The following NRG1 variants were observed in gnomAD, a reference collection of about 807,000 sequenced individuals.
NRG1 encodes the protein pro-neuregulin-1, membrane-bound isoform.
NRG1 carries 18 observed loss-of-function variants against 63.8 expected under a neutral mutation model. That is an observed-to-expected ratio of 0.28 (90% CI 0.19 to 0.42). The LOEUF is 0.42. Among genes scored for constraint, NRG1 ranks in the 10% least tolerant of loss-of-function variants. The pLI is 1.00. For missense variants in NRG1, 762 were observed against 814.7 expected (o/e 0.94, Z 0.79); for synonymous variants, 302 against 301.3 (o/e 1.00, Z -0.02).
chr8:32,049,428 GTTGTT>G (rs1158950765), intron 1 of NRG1, among the ~76,000 whole-genome samples: 2 of 152,094 alleles, frequency 1.3e-5, no homozygotes, highest in African/African-American at 4.8e-5. Context: ...AGAAACACTT[GTTGTT>G]TTATTTATTT....
At chr8:32,626,357 G>GTT (rs145290390) in intron 5 of NRG1, among the ~76,000 whole-genome samples, 30 of 142,098 alleles carry the variant, frequency 2.1e-4, no homozygotes, top group Non-Finnish European at 2.3e-4. Flanking sequence ...TTCAAATTAA[G>GTT]TTTTTTTTTT....
rs1846264060 is a variant in NRG1, at chr8:32,610,908, A to G, written c.401-3606A>G. Among the ~76,000 whole-genome samples the G allele has an allele frequency of 6.6e-5, 10 of 152,226 alleles. 1 individual carries two copies. The South Asian group carries it at 2.1e-3, about 32-fold the overall frequency. ...CGTATATGACAGCAGAAAAGGCCAC[A>G]TACATCATGTTTACACACCCTACAC... is the stretch of plus-strand genomic sequence containing the variant. On this transcript the variant is annotated intron_variant, in intron 3 of 11. Coordinates refer to ENST00000356819, the Ensembl canonical transcript of NRG1.
Position 31,960,446 on chromosome 8 carries a change from G to A in NRG1, c.37+321015G>A, listed in dbSNP as rs112624348. On this transcript the variant is annotated intron_variant, in intron 1 of 10. Coordinates refer to the NRG1 transcript ENST00000519301. ...TCTAAATCATTCTGATAGGCTTCTG[G>A]ATGGCTTTCGGTCTCTGGCCAGGTG... Among the ~76,000 whole-genome samples the A allele has an allele frequency of 5.0e-3, 763 of 152,286 alleles. 8 individuals carry two copies. Among genetic ancestry groups the A allele is most frequent in the African/African-American group, 0.018 (729 of 41,552 alleles).
intron 1 of NRG1, among the ~76,000 whole-genome samples, chr8:31,852,308 G>A (rs561291850): frequency 0.01 from 1,531 of 149,976 alleles, 22 homozygotes; most frequent in African/African-American, 0.034. Flanking sequence ...ATTCTAACTG[G>A]TGTGAGATGG....
At chr8:31,788,172 T>C (rs1013187843) in intron 1 of NRG1, among the ~76,000 whole-genome samples, 2 of 152,192 alleles carry the variant, frequency 1.3e-5, no homozygotes, top group Non-Finnish European at 2.9e-5. Flanking sequence ...TTTTATAGTA[T>C]AAAAATTGGG....
chr8:32,087,578 C>A (rs1412050091), intron 1 of NRG1, among the ~76,000 whole-genome samples: 1 of 131,988 alleles, frequency 7.6e-6, no homozygotes, highest in Non-Finnish European at 1.6e-5. Context: ...TCAAGCAATT[C>A]TTCTGCCTCT....
At chr8:32,188,726 A>G (rs1842197757) in intron 1 of NRG1, among the ~76,000 whole-genome samples, 1 of 151,982 alleles carries the variant, frequency 6.6e-6, no homozygotes, top group African/African-American at 2.4e-5. Context: ...CATGTGGGCT[A>G]TGCATATTCT....
chr8:32,583,649 T>C (rs2129532884), intron 1 of NRG1, among the ~76,000 whole-genome samples: 1 of 152,346 alleles, frequency 6.6e-6, no homozygotes, highest in Non-Finnish European at 1.5e-5. Context: ...AGAGAGCTCA[T>C]GGTTAAATTG....
intron 5 of NRG1, among the ~76,000 whole-genome samples, chr8:32,656,120 A>G (rs943343325): frequency 3.9e-5 from 6 of 152,158 alleles, no homozygotes; most frequent in Non-Finnish European, 1.5e-5. Context: ...AGTATACTAC[A>G]TCTATGTGTA....
At chr8:32,210,470 A>G (rs1844583722) in intron 1 of NRG1, among the ~76,000 whole-genome samples, 1 of 152,200 alleles carries the variant, frequency 6.6e-6, no homozygotes, top group African/African-American at 2.4e-5. Flanking sequence ...TTGAAGATCC[A>G]TGAGCAATCC....
At chr8:31,951,024 T>C (rs1421870122) in intron 1 of NRG1, among the ~76,000 whole-genome samples, 1 of 152,232 alleles carries the variant, frequency 6.6e-6, no homozygotes, top group Non-Finnish European at 1.5e-5. Flanking sequence ...TGACAGTTAA[T>C]CCTCTTATTA....
At chr8:31,914,790 G>C (rs533480327) in intron 1 of NRG1, among the ~76,000 whole-genome samples, 1 of 151,694 alleles carries the variant, frequency 6.6e-6, no homozygotes, top group Non-Finnish European at 1.5e-5. Context: ...TTTAGTGAAG[G>C]ACCAGTGTCT....
chr8:31,731,951 A>G (rs1331069890), intron 1 of NRG1, among the ~76,000 whole-genome samples: 1 of 152,218 alleles, frequency 6.6e-6, no homozygotes, highest in African/African-American at 2.4e-5. Context: ...GTGAAGAGTC[A>G]GTAAGATGTA....
chr8:32,593,528 C>T (rs756487089), intron 1 of NRG1, among the ~76,000 whole-genome samples: 2 of 151,974 alleles, frequency 1.3e-5, no homozygotes, highest in African/African-American at 2.4e-5. Context: ...GTATCATGCA[C>T]TTCTGGTTCC....
At chr8:32,621,754 G>T (rs1393501705) in intron 5 of NRG1, among the ~76,000 whole-genome samples, 4 of 152,224 alleles carry the variant, frequency 2.6e-5, no homozygotes, top group African/African-American at 9.6e-5. Flanking sequence ...TTACATGGAT[G>T]ATGACTCATG....
chr8:32,260,548 G>A (rs564338433), intron 1 of NRG1, among the ~76,000 whole-genome samples: 68 of 152,244 alleles, frequency 4.5e-4, no homozygotes, highest in Non-Finnish European at 7.6e-4. Context: ...CACTATAGAT[G>A]AGTATGTCTT....
chr8:32,370,589 G>A (rs1414861130), intron 1 of NRG1, among the ~76,000 whole-genome samples: 1 of 152,042 alleles, frequency 6.6e-6, no homozygotes, highest in East Asian at 1.9e-4. Flanking sequence ...CAGGCGCAGT[G>A]GCTCACGCCT....
chr8:32,095,873 G>A (rs183034009), intron 1 of NRG1, among the ~76,000 whole-genome samples: 1 of 152,138 alleles, frequency 6.6e-6, no homozygotes, highest in Non-Finnish European at 1.5e-5. Flanking sequence ...GGAAATAAAA[G>A]ATATAGAAGC....
chr8:32,310,718 G>A (rs527847158), intron 1 of NRG1, among the ~76,000 whole-genome samples: 34 of 152,256 alleles, frequency 2.2e-4, no homozygotes, highest in Non-Finnish European at 1.6e-4. Flanking sequence ...TTGATTCTGG[G>A]GACTGGCTAA....
Sources: allele counts gnomAD v4.1 joint callset (sites outside exome capture counted in the v4.1 genomes callset), GRCh38; gene constraint gnomAD v4.1.1; transcripts MANE v1.5; gene names NCBI Gene and HGNC (gene_info 2026-07-23, HGNC 2026-07-21).